The following PABPC1L variants were observed in gnomAD, a reference collection of about 807,000 sequenced individuals.
PABPC1L encodes the protein poly(A) binding protein cytoplasmic 1 like.
PABPC1L carries 31 observed loss-of-function variants against 66.6 expected under a neutral mutation model. That is an observed-to-expected ratio of 0.47 (90% CI 0.35 to 0.63). PABPC1L has a LOEUF of 0.63. PABPC1L is among the 20% of genes least tolerant of loss of function. The pLI is 0.00. For missense variants in PABPC1L, 722 were observed against 848.8 expected (o/e 0.85, Z 1.86); for synonymous variants, 348 against 335.1 (o/e 1.04, Z -0.42).
At chr20:44,911,374 G>T (rs1267778568) in intron 1 of PABPC1L, among the ~76,000 whole-genome samples, 1 of 152,194 alleles carries the variant, frequency 6.6e-6, no homozygotes, top group African/African-American at 2.4e-5. Flanking sequence ...TGAGGCACGA[G>T]AATCGCTTGA....
Position 44,933,103 on chromosome 20 carries a change from T to G in PABPC1L, c.1377T>G (p.Pro459=). The change falls in exon 10 of 15, where the codon CCT becomes CCG. Residue 459 remains proline (P), a synonymous_variant. Transcript: ENST00000217073. The stretch of plus-strand genomic sequence containing the variant: ...CAATGGTCCGGCCACCAGTTGTGCC[T>G]CGGCGCCCCCCGGCCCACATCAGCA... The part of the protein sequence containing the change: ...GASMVRPPVV[P]RRPPAHISSV... The G allele has an allele frequency of 6.2e-7, 1 of 1,605,584 alleles. No homozygotes were observed. Among genetic ancestry groups the G allele is most frequent in the Non-Finnish European group, 8.5e-7 (1 of 1,177,038 alleles).
chr20:44,936,503 C>T (rs1467043789), intron 11 of PABPC1L, 134 bp from the exon 12 acceptor site: 2 of 682,074 alleles, frequency 2.9e-6, no homozygotes, highest in African/African-American at 3.6e-5. Flanking sequence ...CTCCACCCCA[C>T]CTGATCATCC....
At chr20:44,927,506 C>A (rs2066818288) in intron 7 of PABPC1L, among the ~76,000 whole-genome samples, 1 of 151,934 alleles carries the variant, frequency 6.6e-6, no homozygotes, top group South Asian at 2.1e-4. Flanking sequence ...TCTCACCATG[C>A]CCAGCTAATT....
chr20:44,929,794 C>CAAAAAAAAA (rs569532056), intron 7 of PABPC1L, among the ~76,000 whole-genome samples: 3 of 101,370 alleles, frequency 3.0e-5, no homozygotes, highest in Admixed American at 1.0e-4. Flanking sequence ...AACTATGTCT[C>CAAAAAAAAA]AAAAAAAAAA....
At chr20:44,919,077 ACT>A (rs1290732022) in intron 4 of PABPC1L, 32 bp downstream of exon 4, 1 of 1,610,892 alleles carries the variant, frequency 6.2e-7, no homozygotes, top group African/African-American at 1.3e-5. Context: ...CGGGGGGATC[ACT>A]GTTTTTCCTC....
At chr20:44,931,007 C>CCTTCCTTCCTTCCTTCCTTCCTT (rs1568649861) in intron 8 of PABPC1L, among the ~76,000 whole-genome samples, 1 of 68,274 alleles carries the variant, frequency 1.5e-5, no homozygotes, top group African/African-American at 5.7e-5. Context: ...TTTCCTTCCT[C>CCTTCCTTCCTTCCTTCCTTCCTT]CCTTCCTTCC....
intron 7 of PABPC1L, among the ~76,000 whole-genome samples, chr20:44,928,527 A>G (rs1347599553): frequency 6.6e-6 from 1 of 152,156 alleles, no homozygotes. Context: ...TCCCCAATCC[A>G]TGCAATTTCC....
chr20:44,916,924 C>A, intron 3 of PABPC1L, 53 bp downstream of exon 3: 1 of 1,530,336 alleles, frequency 6.5e-7, no homozygotes, highest in Non-Finnish European at 9.0e-7. Flanking sequence ...AGAAGCATGG[C>A]ACCACCGACT....
chr20:44,910,456 C>A, intron 1 of PABPC1L, 120 bp downstream of exon 1: 1 of 1,188,774 alleles, frequency 8.4e-7, no homozygotes, highest in Non-Finnish European at 1.1e-6. Context: ...GAAACTGAGG[C>A]TCAAAGATAA....
At chr20:44,935,522 C>G (rs1177141854) in intron 11 of PABPC1L, 25 bp downstream of exon 11, 2 of 1,603,486 alleles carry the variant, frequency 1.2e-6, no homozygotes, top group African/African-American at 2.7e-5. Flanking sequence ...GCTGCCTGCT[C>G]TTAGCCTGGG....
At chr20:44,912,584 G>T in intron 1 of PABPC1L, 76 bp from the exon 2 acceptor site, 2 of 1,284,074 alleles carry the variant, frequency 1.6e-6, no homozygotes, top group South Asian at 2.9e-5. Flanking sequence ...TCCCAGTTAA[G>T]CACCTCGAGG....
At chr20:44,913,687 C>T (rs2066719537) in intron 2 of PABPC1L, among the ~76,000 whole-genome samples, 2 of 152,072 alleles carry the variant, frequency 1.3e-5, no homozygotes, top group Admixed American at 6.6e-5. Context: ...AGCCATGAGC[C>T]ACCGCACCTG....
intron 7 of PABPC1L, among the ~76,000 whole-genome samples, chr20:44,926,637 C>T (rs1330405365): frequency 1.3e-5 from 2 of 151,854 alleles, no homozygotes; most frequent in African/African-American, 4.8e-5. Flanking sequence ...ACTTCTGCCT[C>T]CCAGGTTCAA....
chr20:44,918,065 C>A (rs1714040621), intron 3 of PABPC1L, among the ~76,000 whole-genome samples: 1 of 152,160 alleles, frequency 6.6e-6, no homozygotes, highest in Admixed American at 6.5e-5. Flanking sequence ...GTGGCTCACA[C>A]CTGTAACCCC....
intron 2 of PABPC1L, among the ~76,000 whole-genome samples, chr20:44,914,503 T>G (rs904021274): frequency 6.6e-6 from 1 of 152,136 alleles, no homozygotes; most frequent in African/African-American, 2.4e-5. Flanking sequence ...CCACTGCACC[T>G]GGCATGTCAG....
Position 44,930,603 on chromosome 20 carries a change from G to A in PABPC1L, c.1116G>A (p.Glu372=), listed in dbSNP as rs894420771. 6.2e-7 allele frequency: 1 copy of A among 1,614,144 alleles called. No homozygotes were observed. The highest frequency in any genetic ancestry group is 1.7e-5 in the Admixed American group (1 of 60,010). ...PLYVALAQRK[E]ERKAILTNQY... is the part of the protein sequence containing the mutation. ...ACGTGGCACTGGCCCAGCGCAAAGA[G>A]GAGCGGAAGGCCATCTTGACCAACC... Residue 372 remains glutamate (E), a synonymous_variant, in exon 8 of 15, where the codon GAG becomes GAA. Transcript: ENST00000217073.
At chr20:44,935,267 A>G in intron 10 of PABPC1L, 124 bp from the exon 11 acceptor site, 2 of 711,566 alleles carry the variant, frequency 2.8e-6, no homozygotes, top group East Asian at 5.4e-5. Flanking sequence ...ACAGTCTTCT[A>G]ATTTCTTTAC....
chr20:44,928,824 C>G (rs2066828301), intron 7 of PABPC1L, among the ~76,000 whole-genome samples: 1 of 129,074 alleles, frequency 7.7e-6, no homozygotes, highest in East Asian at 2.3e-4. Context: ...GAGATTGCAC[C>G]ACTGCACTCC....
intron 8 of PABPC1L, among the ~76,000 whole-genome samples, chr20:44,931,202 G>A (rs2066857562): frequency 1.4e-5 from 2 of 147,414 alleles, no homozygotes; most frequent in African/African-American, 2.5e-5. Context: ...CTTCCTTCAC[G>A]GGGTCTCCAT....
Sources: allele counts gnomAD v4.1 joint callset (sites outside exome capture counted in the v4.1 genomes callset), GRCh38; gene constraint gnomAD v4.1.1; transcripts MANE v1.5; gene names NCBI Gene and HGNC (gene_info 2026-07-23, HGNC 2026-07-21).